Variants in PRDX1 observed in about 807,000 individuals in gnomAD.
PRDX1 encodes the protein peroxiredoxin 1.
PRDX1 carries 19 observed loss-of-function variants against 20.7 expected under a neutral mutation model. That is an observed-to-expected ratio of 0.92 (90% CI 0.64 to 1.35). The LOEUF (loss-of-function observed/expected upper bound fraction) is 1.35, where lower values mean the gene tolerates loss of function less well. Among genes scored for constraint, PRDX1 ranks in the 40% most tolerant of loss-of-function variants. PRDX1 has a pLI of 0.00. For missense variants in PRDX1, 226 were observed against 240.0 expected (o/e 0.94, Z 0.38); for synonymous variants, 89 against 83.9 (o/e 1.06, Z -0.33).
chr1:45,515,981 T>C (rs1405868501), intron 2 of PRDX1, among the ~76,000 whole-genome samples, 174 bp from the exon 3 acceptor site: 1 of 152,214 alleles, frequency 6.6e-6, no homozygotes, highest in Non-Finnish European at 1.5e-5. Context: ...TAGGAATACC[T>C]GAATGAAAAA....
In PRDX1 at chr1:45,514,544, TAGTCTCAA is replaced by T. The variant is rs1643821997; in HGVS notation, c.469_476del (p.Leu157SerfsTer8). Reference sequence around the variant, plus strand: ...TGTCAGTGAACTGGAAGGCCTGAACTAGTCTCAAAGTCTCATCCACAGAGCGGCCAACA... The same window carrying T: ...TGTCAGTGAACTGGAAGGCCTGAACTAGTCTCATCCACAGAGCGGCCAACA... On this transcript the variant is annotated frameshift_variant, in exon 5 of 6. Coordinates refer to ENST00000319248, the MANE Select transcript of PRDX1 (RefSeq NM_181697.3). LOFTEE classifies it high-confidence loss of function. 1 of 1,614,012 alleles carries T rather than the reference TAGTCTCAA, an allele frequency of 6.2e-7. No individual in the cohort carries two copies. The highest frequency in any genetic ancestry group is 1.1e-5 in the South Asian group (1 of 91,088).
At chr1:45,513,475 T>C (rs1333470588) in intron 5 of PRDX1, 2 of 152,272 alleles carry the variant, frequency 1.3e-5, no homozygotes, top group Non-Finnish European at 1.5e-5. Context: ...TCTTATTTGG[T>C]AGCTTCTGTT....
chr1:45,515,908 CACTA>C, intron 2 of PRDX1, 101 bp from the exon 3 acceptor site: 1 of 1,165,592 alleles, frequency 8.6e-7, no homozygotes, highest in Non-Finnish European at 1.2e-6. Flanking sequence ...ACACAATAAC[CACTA>C]ACTGCCAAGA....
At position 45,519,049 on chromosome 1, in the gene PRDX1, T is replaced by A; in HGVS notation, c.-6A>T. The stretch of plus-strand genomic sequence containing the variant: ...TTAGCATTTCCTGAAGACATCTTCC[T>A]ATCAGCTAGAAATAACAGAAATGAA... On this transcript the variant is annotated 5_prime_UTR_variant, in exon 2 of 6. Transcript: ENST00000319248. 1.3e-6 allele frequency: 2 copies of A among 1,561,246 alleles called. No individual in the cohort carries two copies. Among genetic ancestry groups the A allele is most frequent in the Non-Finnish European group, 1.7e-6 (2 of 1,149,170 alleles).
intron 2 of PRDX1, 85 bp from the exon 3 acceptor site, chr1:45,515,892 T>A (rs1251451061): frequency 7.6e-7 from 1 of 1,322,664 alleles, no homozygotes; most frequent in Non-Finnish European, 1.0e-6. Context: ...AGCAAGTTGA[T>A]GGCTGACACA....
In PRDX1 at chr1:45,511,254, T is replaced by C; in HGVS notation, c.*75A>G. ...AATCTGAAGTCTTGTGTTTTACTAA[T>C]GGAAAAAAAAAATACAGAAGAGGTT... is the stretch of plus-strand genomic sequence containing the variant. On this transcript the variant is annotated 3_prime_UTR_variant, in exon 6 of 6. Transcript: ENST00000319248. 2.4e-6 allele frequency: 3 copies of C among 1,268,602 alleles called. No individual in the cohort carries two copies. Among genetic ancestry groups the C allele is most frequent in the Middle Eastern group, 2.4e-4 (1 of 4,098 alleles). The allele number at this position is 1,268,602 out of a possible 1,614,324, so 78.6% of individuals were successfully genotyped here. A position where few individuals can be genotyped will look rare whatever the true frequency, so the allele number is the denominator to read the frequency against.
rs1557615341 is a variant in PRDX1 at position 45,518,969 on chromosome 1, C to T, written c.75G>A (p.Gln25=). The T allele has an allele frequency of 6.2e-6, 10 of 1,605,820 alleles. No individual in the cohort carries two copies. The highest frequency in any genetic ancestry group is 8.5e-6 in the Non-Finnish European group (10 of 1,176,942). The change falls in exon 2 of 6, where the codon CAG becomes CAA. Residue 25 remains glutamine, a synonymous_variant. Coordinates refer to ENST00000319248, the MANE Select transcript of PRDX1 (RefSeq NM_181697.3). ...FKATAVMPDG[Q]FKDISLSDYK... Reference sequence around the variant, plus strand: ...AGTCAGACAGGCTGATATCTTTAAACTGACCATCTGGCATAACAGCTGTGG... The same window carrying T: ...AGTCAGACAGGCTGATATCTTTAAATTGACCATCTGGCATAACAGCTGTGG...
chr1:45,517,440 A>C (rs1643871326), intron 2 of PRDX1, among the ~76,000 whole-genome samples: 1 of 152,174 alleles, frequency 6.6e-6, no homozygotes, highest in Non-Finnish European at 1.5e-5. Flanking sequence ...ACTACAAGGT[A>C]AAGAAAGGAG....
chr1:45,516,635 C>T (rs995276776), intron 2 of PRDX1, among the ~76,000 whole-genome samples: 1 of 152,162 alleles, frequency 6.6e-6, no homozygotes, highest in African/African-American at 2.4e-5. Flanking sequence ...GCAGCCTTCT[C>T]GCCACACCCA....
At chr1:45,511,466 C>T (rs1643743651) in intron 5 of PRDX1, 52 bp from the exon 6 acceptor site, 2 of 1,484,342 alleles carry the variant, frequency 1.3e-6, no homozygotes, top group Admixed American at 3.6e-5. Flanking sequence ...GTATGCACCA[C>T]CATTCTCCTA....
Position 45,511,162 on chromosome 1 carries a change from G to A in PRDX1, c.*167C>T. On this transcript the variant is annotated 3_prime_UTR_variant, in exon 6 of 6. Transcript: ENST00000319248. ...CCAACTCAGGCCATTCCTACCAAAG[G>A]AAGAAAGGCTGGTCTCTCCACCCCC... 1 of 596,554 alleles carries A rather than the reference G, an allele frequency of 1.7e-6. No individual in the cohort carries two copies. 37.0% of individuals were successfully genotyped at this position (596,554 alleles called of 1,614,324 possible). A position where few individuals can be genotyped will look rare whatever the true frequency, so the allele number is the denominator to read the frequency against.
chr1:45,514,462 T>C lies in PRDX1; in HGVS notation c.514+45A>G, dbSNP rs1002951552. The C allele has an allele frequency of 3.7e-6, 6 of 1,607,892 alleles. No homozygotes were observed. The African/African-American group carries it at 8.0e-5, about 22-fold the overall frequency. The stretch of plus-strand genomic sequence containing the variant: ...CAGGTGTGAAGGGGCAACCCACCCC[T>C]TCATACCACCACTCTGTTGTCCTGT... On this transcript the variant is annotated intron_variant, in intron 5 of 5. Transcript: ENST00000319248.
Position 45,515,758 on chromosome 1 carries a change from G to C in PRDX1, c.156C>G (p.Cys52Trp), listed in dbSNP as rs112565051. 1 of 1,598,146 alleles carries C rather than the reference G, an allele frequency of 6.3e-7. No homozygotes were observed. The highest frequency in any genetic ancestry group is 8.5e-7 in the Non-Finnish European group (1 of 1,175,534). Residue 52 changes from cysteine (C) to tryptophan (W), a missense_variant, in exon 3 of 6, where the codon TGC (cysteine) becomes TGG (tryptophan). By Grantham distance (215) the Cys-to-Trp change is radical (BLOSUM62 -2). Transcript: ENST00000319248. ...CACTGAAAGCAATGATCTCCGTGGG[G>C]CACACAAAGGTGAAGTCAAGAGGGT... Reference protein sequence around the residue: ...FFYPLDFTFVCPTEIIAFSDR... With the variant: ...FFYPLDFTFVWPTEIIAFSDR...
At position 45,518,953 on chromosome 1, in the gene PRDX1, G is replaced by A. The variant is rs1643884496; in HGVS notation, c.91C>T (p.Leu31=). The A allele has an allele frequency of 1.9e-6, 3 of 1,603,304 alleles. No homozygotes were observed. The highest frequency in any genetic ancestry group is 1.7e-4 in the Middle Eastern group (1 of 6,030). The change falls in exon 2 of 6, where the codon CTG becomes TTG. Residue 31 remains leucine (L), a synonymous_variant. Transcript: ENST00000319248. ...MPDGQFKDIS[L]SDYKGKYVVF... is the part of the protein sequence containing the mutation. Reference sequence around the variant, plus strand: ...ATTCTCTCACCTTTGTAGTCAGACAGGCTGATATCTTTAAACTGACCATCT... The same window carrying A: ...ATTCTCTCACCTTTGTAGTCAGACAAGCTGATATCTTTAAACTGACCATCT...
chr1:45,516,849 T>C (rs1467643217), intron 2 of PRDX1, among the ~76,000 whole-genome samples: 2 of 151,780 alleles, frequency 1.3e-5, no homozygotes, highest in African/African-American at 4.8e-5. Flanking sequence ...TGGTAAAACA[T>C]GTCTCTACTA....
At chr1:45,514,369 T>G in intron 5 of PRDX1, 138 bp downstream of exon 5, 1 of 1,137,582 alleles carries the variant, frequency 8.8e-7, no homozygotes, top group Non-Finnish European at 1.3e-6. Context: ...GCCCCCTTAT[T>G]TCTTTCTCTA....
chr1:45,522,527 C>T (rs773239626), upstream of PRDX1, among the ~76,000 whole-genome samples: 2 of 152,112 alleles, frequency 1.3e-5, no homozygotes. Flanking sequence ...AATCTTGAGT[C>T]AAAACATTAC....
chr1:45,520,551 C>T (rs1272367698), intron 1 of PRDX1, among the ~76,000 whole-genome samples: 1 of 151,834 alleles, frequency 6.6e-6, no homozygotes, highest in Non-Finnish European at 1.5e-5. Flanking sequence ...AGTGAAACCC[C>T]GTCTCTAACA....
Position 45,514,540 on chromosome 1 carries a change from G to C in PRDX1, c.481C>G (p.Gln161Glu), listed in dbSNP as rs1413446679. ...TGTTTGTCAGTGAACTGGAAGGCCT[G>C]AACTAGTCTCAAAGTCTCATCCACA... The part of the protein sequence containing the change: ...RSVDETLRLV[Q>E]AFQFTDKHGE... The change falls in exon 5 of 6, where the codon CAG becomes GAG. Residue 161 changes from glutamine (Q) to glutamate (E), a missense_variant. Gln to Glu is a conservative substitution (Grantham distance 29). Coordinates refer to ENST00000319248, the MANE Select transcript of PRDX1 (RefSeq NM_181697.3). 6.2e-7 allele frequency: 1 copy of C among 1,614,010 alleles called. No individual in the cohort carries two copies. The highest frequency in any genetic ancestry group is 1.3e-5 in the African/African-American group (1 of 74,896).
Sources: allele counts gnomAD v4.1 joint callset (sites outside exome capture counted in the v4.1 genomes callset), GRCh38; gene constraint gnomAD v4.1.1; transcripts MANE v1.5; gene names NCBI Gene and HGNC (gene_info 2026-07-23, HGNC 2026-07-21).